Variants in FMR1NB observed in about 807,000 individuals in gnomAD.
FMR1NB encodes the protein FMR1 neighbor protein.
A neutral mutation model predicts 16.8 loss-of-function variants in FMR1NB; 10 were observed. The ratio of observed to expected loss-of-function variants is 0.60; its 90% CI spans 0.37 to 1.01. The LOEUF (loss-of-function observed/expected upper bound fraction) is 1.01, where lower values mean the gene tolerates loss of function less well. FMR1NB is among the 50% of genes least tolerant of loss of function. The pLI is 0.01. For missense variants in FMR1NB, 205 were observed against 204.8 expected (o/e 1.00, Z 0.00); for synonymous variants, 83 against 79.1 (o/e 1.05, Z -0.26).
At chrX:148,019,403 T>C (rs1461394555) in intron 4 of FMR1NB, among the ~76,000 whole-genome samples, 3 of 112,534 alleles carry the variant, frequency 2.7e-5, no homozygotes, top group African/African-American at 9.7e-5. Flanking sequence ...AGGATTAGTT[T>C]CTGGTGCCTT....
Position 147,981,397 on chromosome X carries a change from G to A in FMR1NB, c.-6G>A, listed in dbSNP as rs187764243. 152 of 1,203,062 alleles carry A rather than the reference G, an allele frequency of 1.3e-4. No homozygotes were observed. In the African/African-American group the frequency reaches 1.9e-3, roughly 15 times the overall value. ...GCAGCGTCTCAGCGAGGCGGCACCC[G>A]GAGCCATGTCTTCACATAGGAGGAA... On this transcript the variant is annotated 5_prime_UTR_variant, in exon 1 of 6. Transcript: ENST00000370467.
chrX:147,982,182 C>T (rs1358043027), intron 1 of FMR1NB, among the ~76,000 whole-genome samples: 2 of 110,126 alleles, frequency 1.8e-5, no homozygotes, highest in South Asian at 7.8e-4. Context: ...CCCAGTTAAT[C>T]GGGAGGCTGA....
At chrX:147,986,690 G>T (rs2044478591) in intron 1 of FMR1NB, among the ~76,000 whole-genome samples, 1 of 111,262 alleles carries the variant, frequency 9.0e-6, no homozygotes, top group Non-Finnish European at 1.9e-5. Flanking sequence ...TATCTGTTTT[G>T]GTACCAGTAC....
intron 4 of FMR1NB, among the ~76,000 whole-genome samples, chrX:148,020,157 G>A (rs1245096600): frequency 9.4e-6 from 1 of 106,798 alleles, no homozygotes; most frequent in African/African-American, 3.7e-5. Flanking sequence ...CTTTCTACAG[G>A]CAGAAGAGCC....
intron 1 of FMR1NB, among the ~76,000 whole-genome samples, chrX:147,992,304 T>C (rs1284120720): frequency 1.3e-5 from 1 of 75,435 alleles, no homozygotes; most frequent in Non-Finnish European, 2.5e-5. Flanking sequence ...CCCCCCCACC[T>C]CCCTCCCAGA....
At chrX:147,987,059 A>G (rs550956995) in intron 1 of FMR1NB, among the ~76,000 whole-genome samples, 112 of 110,147 alleles carry the variant, frequency 1.0e-3, no homozygotes, top group Middle Eastern at 9.3e-3. Flanking sequence ...TTGTGTTCCT[A>G]TGTATTTTAT....
chrX:148,017,957 G>A (rs1244505332), intron 4 of FMR1NB, among the ~76,000 whole-genome samples: 2 of 107,010 alleles, frequency 1.9e-5, no homozygotes, highest in Non-Finnish European at 3.9e-5. Context: ...CATTTGGGTT[G>A]GTTCCAAGTC....
intron 1 of FMR1NB, among the ~76,000 whole-genome samples, chrX:147,987,843 G>T (rs997015357): frequency 1.9e-5 from 2 of 105,108 alleles, no homozygotes; most frequent in Non-Finnish European, 4.0e-5. Flanking sequence ...ACTAGGATTG[G>T]TTTTTTTTTT....
At chrX:148,025,747 G>A (rs1313306712) in intron 5 of FMR1NB, among the ~76,000 whole-genome samples, 5 of 111,928 alleles carry the variant, frequency 4.5e-5, no homozygotes, top group African/African-American at 1.6e-4. Flanking sequence ...GATTTTTTGT[G>A]TAACTTAAAC....
intron 1 of FMR1NB, among the ~76,000 whole-genome samples, chrX:148,001,561 G>A (rs1175663629): frequency 9.1e-6 from 1 of 110,090 alleles, no homozygotes; most frequent in Admixed American, 9.8e-5. Flanking sequence ...ACCAGCCTGG[G>A]AAACATGGTG....
At chrX:147,993,621 C>T (rs1211429354) in intron 1 of FMR1NB, among the ~76,000 whole-genome samples, 1 of 110,138 alleles carries the variant, frequency 9.1e-6, no homozygotes, top group Non-Finnish European at 1.9e-5. Flanking sequence ...CAGTCCCTTA[C>T]TTCCCTTCTT....
chrX:147,982,588 C>CAAAA (rs79206034), intron 1 of FMR1NB, among the ~76,000 whole-genome samples: 1 of 28,462 alleles, frequency 3.5e-5, no homozygotes, highest in African/African-American at 1.5e-4. Flanking sequence ...GACTCCGTCT[C>CAAAA]AAAAAAAAAA....
intron 1 of FMR1NB, among the ~76,000 whole-genome samples, chrX:147,990,693 G>A (rs1464824147): frequency 9.0e-6 from 1 of 111,415 alleles, no homozygotes; most frequent in East Asian, 2.8e-4. Flanking sequence ...GTTTTGTTTA[G>A]TGTTTCAATC....
At position 148,009,040 on chromosome X, in the gene FMR1NB, G is replaced by A. The variant is rs781948185; in HGVS notation, c.632+329G>A. The stretch of plus-strand genomic sequence containing the variant: ...ATTAAAAAAAAATACAAAATTAGCC[G>A]GGCATGGTGGTGCACGCCTGTAATC... On this transcript the variant is annotated intron_variant, in intron 4 of 5. Coordinates refer to ENST00000370467, the MANE Select transcript of FMR1NB (RefSeq NM_152578.3). Among the ~76,000 whole-genome samples, 9 of 109,321 alleles carry A rather than the reference G, an allele frequency of 8.2e-5. 1 individual carries two copies. The South Asian group carries it at 1.2e-3, about 15-fold the overall frequency. The allele number at this position is 109,321 out of a possible 115,157, so 94.9% of individuals were successfully genotyped here. A position where few individuals can be genotyped will look rare whatever the true frequency, so the allele number is the denominator to read the frequency against.
At position 148,001,955 on chromosome X, in the gene FMR1NB, G is replaced by C. The variant is rs781980321; in HGVS notation, c.278-1246G>C. On this transcript the variant is annotated intron_variant, in intron 1 of 5. Transcript: ENST00000370467. ...GGGCCTTATGACTGCTGGAAAAATC[G>C]TATCCCTACTCCACAACACACTCCA... Among the ~76,000 whole-genome samples the C allele has an allele frequency of 7.3e-5, 8 of 110,281 alleles. No individual in the cohort carries two copies. The East Asian group carries it at 1.1e-3, about 16-fold the overall frequency.
intron 2 of FMR1NB, among the ~76,000 whole-genome samples, chrX:148,004,440 A>G (rs1231934950): frequency 8.9e-6 from 1 of 112,417 alleles, no homozygotes; most frequent in Non-Finnish European, 1.9e-5. Flanking sequence ...AAGTAAGTCA[A>G]AATCAATTAT....
At chrX:147,989,614 C>T (rs1045765792) in intron 1 of FMR1NB, among the ~76,000 whole-genome samples, 4 of 111,932 alleles carry the variant, frequency 3.6e-5, no homozygotes, top group Non-Finnish European at 5.6e-5. Context: ...GAAGCTGCGC[C>T]GACAGCCGCC....
chrX:148,010,627 A>G (rs1385212808), intron 4 of FMR1NB, among the ~76,000 whole-genome samples: 1 of 112,069 alleles, frequency 8.9e-6, no homozygotes, highest in East Asian at 2.8e-4. Context: ...AAAGAGAAAT[A>G]GACACAGCAG....
At chrX:148,016,990 C>T (rs1471579523) in intron 4 of FMR1NB, among the ~76,000 whole-genome samples, 1 of 111,251 alleles carries the variant, frequency 9.0e-6, no homozygotes, top group East Asian at 2.8e-4. Flanking sequence ...GTCATTAACA[C>T]CCTTTTCTTT....
Sources: gnomAD v4.1 joint callset for allele counts (sites outside exome capture counted in the v4.1 genomes callset) on GRCh38, gnomAD v4.1.1 for gene constraint, MANE v1.5 for transcripts, NCBI Gene and HGNC (gene_info 2026-07-23, HGNC 2026-07-21) for gene names.